CCDC178: variants seen among roughly 807,000 people sequenced by gnomAD.
CCDC178 encodes coiled-coil domain containing 178, also known as coiled-coil domain-containing protein 178.
Under a neutral mutation model 117.4 loss-of-function variants are expected in CCDC178, and 126 were observed. The observed-to-expected ratio is 1.07, with a 90% CI of 0.93 to 1.24. CCDC178 has a LOEUF of 1.24. CCDC178 is among the 50% of genes most tolerant of loss of function. The probability of loss-of-function intolerance (pLI) is 0.00; values close to 1 mark genes in which losing one functional copy is unlikely to be tolerated. For missense variants in CCDC178, 1,030 were observed against 986.9 expected (o/e 1.04, Z -0.59); for synonymous variants, 283 against 313.4 (o/e 0.90, Z 1.02).
chr18:33,281,029 C>T (rs538804428), intron 12 of CCDC178, among the ~76,000 whole-genome samples: 5 of 151,908 alleles, frequency 3.3e-5, no homozygotes, highest in African/African-American at 1.2e-4. Context: ...GTGCAGCACA[C>T]CAGCATGGCA....
chr18:33,384,950 G>T (rs950319699), intron 5 of CCDC178, among the ~76,000 whole-genome samples: 2 of 152,192 alleles, frequency 1.3e-5, no homozygotes, highest in Non-Finnish European at 2.9e-5. Context: ...ACCCATCAGT[G>T]TGCTGTATTC....
chr18:33,150,967 G>A (rs2058334645), intron 20 of CCDC178, among the ~76,000 whole-genome samples: 1 of 152,162 alleles, frequency 6.6e-6, no homozygotes, highest in Non-Finnish European at 1.5e-5. Flanking sequence ...TGGAGTTGGA[G>A]GCCATTATTC....
intron 20 of CCDC178, among the ~76,000 whole-genome samples, chr18:33,133,382 C>G (rs2058089025): frequency 6.6e-6 from 1 of 151,724 alleles, no homozygotes; most frequent in Non-Finnish European, 1.5e-5. Context: ...AGAGAAAATA[C>G]ATAAATTTGA....
intron 21 of CCDC178, among the ~76,000 whole-genome samples, chr18:32,987,793 G>A (rs1341101802): frequency 4.6e-5 from 7 of 152,082 alleles, no homozygotes; most frequent in Admixed American, 3.3e-4. Flanking sequence ...ACATTTATGA[G>A]TAAAGTTAAA....
intron 20 of CCDC178, among the ~76,000 whole-genome samples, chr18:33,111,328 T>C (rs1004301399): frequency 6.6e-6 from 1 of 151,638 alleles, no homozygotes; most frequent in Non-Finnish European, 1.5e-5. Flanking sequence ...AATAATGTTC[T>C]CATATAATGA....
At chr18:33,440,290 A>T (rs2064362657) in intron 1 of CCDC178, among the ~76,000 whole-genome samples, 1 of 32,380 alleles carries the variant, frequency 3.1e-5, no homozygotes, top group African/African-American at 1.2e-4. Flanking sequence ...GGCAGTGGGG[A>T]CTGGGGGACT....
intron 14 of CCDC178, among the ~76,000 whole-genome samples, chr18:33,261,245 G>A (rs1048910666): frequency 2.6e-4 from 40 of 152,082 alleles, no homozygotes; most frequent in African/African-American, 8.4e-4. Flanking sequence ...CACCACGCCC[G>A]GCTAATTTTT....
chr18:32,976,795 C>A (rs1445794364), intron 21 of CCDC178, among the ~76,000 whole-genome samples: 1 of 152,014 alleles, frequency 6.6e-6, no homozygotes, highest in East Asian at 1.9e-4. Flanking sequence ...AATTATCAAT[C>A]AGTTTTACTA....
chr18:33,050,642 A>G (rs114374921), intron 21 of CCDC178, among the ~76,000 whole-genome samples: 223 of 152,330 alleles, frequency 1.5e-3, no homozygotes, highest in African/African-American at 5.1e-3. Context: ...ATAAATTTTT[A>G]GGATATATTC....
chr18:33,389,499 A>T (rs2063538029), intron 5 of CCDC178, 41 bp downstream of exon 5: 1 of 912,350 alleles, frequency 1.1e-6, no homozygotes, highest in African/African-American at 1.8e-5. Flanking sequence ...ATATAAATAT[A>T]GTTTATATAG....
At chr18:33,428,697 A>T (rs2144959179) in intron 2 of CCDC178, among the ~76,000 whole-genome samples, 1 of 138,054 alleles carries the variant, frequency 7.2e-6, no homozygotes, top group Non-Finnish European at 1.5e-5. Context: ...GCCCACTTGC[A>T]CTCCAGCCTG....
At chr18:33,397,064 TA>T in intron 4 of CCDC178, 84 bp downstream of exon 4, 2 of 861,524 alleles carry the variant, frequency 2.3e-6, no homozygotes, top group South Asian at 3.2e-5. Context: ...TGCCTGAAAT[TA>T]TTTTCATGCT....
chr18:33,370,037 A>G lies in CCDC178; in HGVS notation c.348+13T>C. 6.5e-7 allele frequency: 1 copy of G among 1,533,394 alleles called. No homozygotes were observed. Among genetic ancestry groups the G allele is most frequent in the Non-Finnish European group, 8.8e-7 (1 of 1,142,642 alleles). The allele number at this position is 1,533,394 out of a possible 1,614,324, so 95.0% of individuals were successfully genotyped here. On this transcript the variant is annotated intron_variant, in intron 6 of 22. Transcript: ENST00000383096. ...GCTTACCAAAATATCAGCATTTTAAATTAGTCTCTTACCCTTTTCAAATGC... is the reference window on the plus strand; with the variant it reads ...GCTTACCAAAATATCAGCATTTTAAGTTAGTCTCTTACCCTTTTCAAATGC...
rs576807760 is a variant in CCDC178, at chr18:32,968,752, T to C, written c.2523+5795A>G. Among the ~76,000 whole-genome samples, 39 of 152,186 alleles carry C rather than the reference T, an allele frequency of 2.6e-4. No individual in the cohort carries two copies. The South Asian group carries it at 8.1e-3, about 31-fold the overall frequency. On this transcript the variant is annotated intron_variant, in intron 22 of 22. Transcript: ENST00000383096. ...ATTCCTTGAGCATAATATCTCTAAA[T>C]GTATATATATTAAAAGTCCAAAATG...
intron 2 of CCDC178, among the ~76,000 whole-genome samples, chr18:33,423,627 T>C (rs1345165519): frequency 6.6e-6 from 1 of 152,198 alleles, no homozygotes; most frequent in Admixed American, 6.5e-5. Context: ...GAAACACATG[T>C]TGGTGTGTGT....
rs536073571 is a variant in CCDC178, at chr18:33,236,259, A to T, written c.1593+8986T>A. ...AGGAAAACATAATTCTCAGATTTAG[A>T]GTGTTCTAAAGATTTTCATGAATCA... is the stretch of plus-strand genomic sequence containing the variant. On this transcript the variant is annotated intron_variant, in intron 15 of 22. Transcript: ENST00000383096. Among the ~76,000 whole-genome samples, 8 of 152,342 alleles carry T rather than the reference A, an allele frequency of 5.3e-5. No homozygotes were observed. In the East Asian group the frequency reaches 1.5e-3, roughly 29 times the overall value.
chr18:33,205,359 A>G (rs1244693212), intron 20 of CCDC178, among the ~76,000 whole-genome samples: 5 of 152,096 alleles, frequency 3.3e-5, no homozygotes, highest in Non-Finnish European at 7.4e-5. Context: ...TGCAAAATTA[A>G]AGTACTGTAA....
chr18:33,230,858 T>C lies in CCDC178; in HGVS notation c.1594-4003A>G, dbSNP rs916372751. Among the ~76,000 whole-genome samples the C allele has an allele frequency of 2.0e-5, 3 of 152,240 alleles. No individual in the cohort carries two copies. In the East Asian group the frequency reaches 5.8e-4, roughly 29 times the overall value. On this transcript the variant is annotated intron_variant, in intron 15 of 22. Transcript: ENST00000383096. Reference sequence around the variant, plus strand: ...GAAAAAGCACTGAAGGAAGACTGCCTTCTCCAGAAACGTGGCCTGTGGCCC... The same window carrying C: ...GAAAAAGCACTGAAGGAAGACTGCCCTCTCCAGAAACGTGGCCTGTGGCCC...
rs144594805 is a variant in CCDC178, at chr18:33,365,380, C to T, written c.348+4670G>A. 4.0e-4 allele frequency among the ~76,000 whole-genome samples: 61 copies of T among 152,180 alleles called. 1 individual carries two copies. Among genetic ancestry groups the T allele is most frequent in the African/African-American group, 1.5e-3 (61 of 41,540 alleles). ...TTGTCAAGGACACGATGTCATGGCA[C>T]AGTGCTGAACCGGATGTGCTTAGAG... On this transcript the variant is annotated intron_variant, in intron 6 of 22. Transcript: ENST00000383096.
Sources: allele counts gnomAD v4.1 joint callset (sites outside exome capture counted in the v4.1 genomes callset), GRCh38; gene constraint gnomAD v4.1.1; transcripts MANE v1.5; gene names NCBI Gene and HGNC (gene_info 2026-07-23, HGNC 2026-07-21).